The following TPST2 variants were observed in gnomAD, a reference collection of about 807,000 sequenced individuals.
The protein encoded by TPST2 is protein-tyrosine sulfotransferase 2.
TPST2 carries 16 observed loss-of-function variants against 27.8 expected under a neutral mutation model. That is an observed-to-expected ratio of 0.58 (90% confidence interval 0.39 to 0.88). The LOEUF is 0.88. TPST2 is among the 40% of genes least tolerant of loss of function. TPST2 has a pLI of 0.00. For synonymous variants in TPST2, 229 were observed against 231.7 expected (o/e 0.99, Z 0.10); for missense variants, 464 against 543.1 (o/e 0.85, Z 1.45).
At chr22:26,561,548 A>G (rs60363814) in intron 1 of TPST2, among the ~76,000 whole-genome samples, 58,880 of 151,688 alleles carry the variant, frequency 0.39, 11,629 homozygotes, top group East Asian at 0.52. Context: ...TGTAATTGCA[A>G]AAAGAAAAAG....
intron 1 of TPST2, among the ~76,000 whole-genome samples, chr22:26,575,285 T>C (rs1053389882): frequency 6.6e-6 from 1 of 152,158 alleles, no homozygotes; most frequent in African/African-American, 2.4e-5. Context: ...TATTACGACT[T>C]TGACACCGAA....
In TPST2 at chr22:26,525,115, G is replaced by A. The variant is rs1490102518; in HGVS notation, c.*1160C>T. On this transcript the variant is annotated 3_prime_UTR_variant, in exon 7 of 7. Transcript: ENST00000338754. ...CTTTCTGGCTGGTAATATTTAGTAC[G>A]TGTTGTCACATATCATTGCTGGGAA... is the stretch of plus-strand genomic sequence containing the variant. 1 of 152,188 alleles carries A rather than the reference G, an allele frequency of 6.6e-6. No individual in the cohort carries two copies. Among genetic ancestry groups the A allele is most frequent in the African/African-American group, 2.4e-5 (1 of 41,444 alleles). The allele number at this position is 152,188 out of a possible 1,614,324, so 9.4% of individuals were successfully genotyped here. A position where few individuals can be genotyped will look rare whatever the true frequency, so the allele number is the denominator to read the frequency against.
At chr22:26,553,425 GCAGTGGAGTGATCACTGTT>G (rs1403901365) in intron 1 of TPST2, among the ~76,000 whole-genome samples, 11 of 150,992 alleles carry the variant, frequency 7.3e-5, no homozygotes, top group Non-Finnish European at 1.5e-4. Context: ...AGGCTGGAGT[GCAGTGGAGTGATCACTGTT>G]CACTGCAGCC....
chr22:26,541,333 T>G lies in TPST2; in HGVS notation c.298A>C (p.Thr100Pro). The change falls in exon 3 of 7, where the codon ACC becomes CCC. Residue 100 changes from threonine (T) to proline (P), a missense_variant. Transcript: ENST00000338754. This position sits in a 1 kb window ranked among gnomAD's most constrained non-coding sequence, Gnocchi z 5.9. ...GCCAGCACGCGCGGGATGATGCGGGTCTCCTCGCCGCAGCGCACCTCGGGG... is the reference window on the plus strand; with the variant it reads ...GCCAGCACGCGCGGGATGATGCGGGGCTCCTCGCCGCAGCGCACCTCGGGG... The part of the protein sequence containing the change: ...AHPEVRCGEE[T>P]RIIPRVLAMR... 1 of 1,547,680 alleles carries G rather than the reference T, an allele frequency of 6.5e-7. No homozygotes were observed. The highest frequency in any genetic ancestry group is 1.9e-5 in the Admixed American group (1 of 52,378).
At chr22:26,544,368 G>A (rs962601351) in intron 2 of TPST2, among the ~76,000 whole-genome samples, 2 of 152,152 alleles carry the variant, frequency 1.3e-5, no homozygotes, top group African/African-American at 2.4e-5. Context: ...CTATCACCTG[G>A]AGAATCGTCT....
At chr22:26,561,578 A>C (rs1428162270) in intron 1 of TPST2, among the ~76,000 whole-genome samples, 1 of 152,016 alleles carries the variant, frequency 6.6e-6, no homozygotes, top group African/African-American at 2.4e-5. Context: ...TTTTGTTGAC[A>C]TTCTGAATGC....
At chr22:26,547,182 G>A (rs1001807505) in intron 1 of TPST2, among the ~76,000 whole-genome samples, 2 of 151,974 alleles carry the variant, frequency 1.3e-5, no homozygotes, top group Non-Finnish European at 2.9e-5. Context: ...TGACTTCCTC[G>A]AGCTCAAGCG....
intron 1 of TPST2, among the ~76,000 whole-genome samples, chr22:26,577,106 A>AAG (rs1481122154): frequency 6.6e-6 from 1 of 150,954 alleles, no homozygotes. Flanking sequence ...AAAAAAAAAA[A>AAG]AAAAAAAGAA....
At chr22:26,584,095 T>C (rs1457483097) in intron 1 of TPST2, among the ~76,000 whole-genome samples, 6 of 152,232 alleles carry the variant, frequency 3.9e-5, no homozygotes, top group Admixed American at 1.3e-4. Flanking sequence ...GTTGACTCAA[T>C]TTTAAAAACA....
At position 26,526,243 on chromosome 22, in the gene TPST2, T is replaced by A. The variant is rs1924829169; in HGVS notation, c.*32A>T. The A allele has an allele frequency of 6.6e-6, 1 of 152,236 alleles. No individual in the cohort carries two copies. The highest frequency in any genetic ancestry group is 2.4e-5 in the African/African-American group (1 of 41,472). The allele number at this position is 152,236 out of a possible 1,614,324, so 9.4% of individuals were successfully genotyped here. ...ACTTAAATGCATTTTCTTCTCTTCT[T>A]GGCAATGAAGTCATTTGCGGAGATC... On this transcript the variant is annotated 3_prime_UTR_variant, in exon 7 of 7. Transcript: ENST00000338754.
chr22:26,549,867 TAA>T (rs34355172), intron 1 of TPST2, among the ~76,000 whole-genome samples: 37 of 97,108 alleles, frequency 3.8e-4, no homozygotes, highest in Middle Eastern at 5.5e-3. Context: ...CCCTCTCTAC[TAA>T]AAAAAAAAAA....
chr22:26,530,259 C>G (rs532179401), intron 5 of TPST2, among the ~76,000 whole-genome samples: 35 of 152,128 alleles, frequency 2.3e-4, no homozygotes, highest in Middle Eastern at 3.4e-3. Flanking sequence ...CTTTTTTTGT[C>G]CACCTGAATA....
chr22:26,570,059 G>A (rs1244686443), intron 1 of TPST2, among the ~76,000 whole-genome samples: 5 of 145,972 alleles, frequency 3.4e-5, no homozygotes, highest in Non-Finnish European at 6.0e-5. Flanking sequence ...AAGAAAGAAA[G>A]AAAGAAGGAA....
chr22:26,583,881 T>A (rs138975429), intron 1 of TPST2, among the ~76,000 whole-genome samples: 352 of 152,290 alleles, frequency 2.3e-3, no homozygotes, highest in African/African-American at 8.1e-3. Flanking sequence ...AACTGCTTAT[T>A]CAGGTGGCAC....
chr22:26,526,508 G>T (rs1343119666), intron 6 of TPST2, among the ~76,000 whole-genome samples: 1 of 152,174 alleles, frequency 6.6e-6, no homozygotes, highest in Non-Finnish European at 1.5e-5. Context: ...TGGACACAGA[G>T]CAAATGACAG....
intron 1 of TPST2, among the ~76,000 whole-genome samples, chr22:26,567,288 C>T (rs4822740): frequency 0.079 from 12,041 of 152,258 alleles, 710 homozygotes; most frequent in East Asian, 0.28. Flanking sequence ...ATCCCACAGC[C>T]CCCTGCGCTC....
In TPST2 at chr22:26,541,312, G is replaced by A; in HGVS notation, c.319C>T (p.Leu107=). The change falls in exon 3 of 7, where the codon CTG becomes TTG. Residue 107 remains leucine (L), a synonymous_variant. Transcript: ENST00000338754. This position sits in a 1 kb window ranked among gnomAD's most constrained non-coding sequence, Gnocchi z 5.9. ...GEETRIIPRV[L]AMRQAWSKSG... ...TTGGACCAGGCCTGGCGCATGGCCA[G>A]CACGCGCGGGATGATGCGGGTCTCC... The A allele has an allele frequency of 6.5e-7, 1 of 1,544,314 alleles. No homozygotes were observed. Among genetic ancestry groups the A allele is most frequent in the Non-Finnish European group, 8.7e-7 (1 of 1,143,448 alleles).
chr22:26,526,190 A>G lies in TPST2; in HGVS notation c.*85T>C, dbSNP rs1402814384. 2 of 152,200 alleles carry G rather than the reference A, an allele frequency of 1.3e-5. No individual in the cohort carries two copies. The highest frequency in any genetic ancestry group is 4.8e-5 in the African/African-American group (2 of 41,444). The allele number at this position is 152,200 out of a possible 1,614,324, so 9.4% of individuals were successfully genotyped here. A position where few individuals can be genotyped will look rare whatever the true frequency, so the allele number is the denominator to read the frequency against. Reference sequence around the variant, plus strand: ...CTGTTTTGGCGATTAATAGCAAGCAATATGCTTGGATTAGAGGTCCGATTT... The same window carrying G: ...CTGTTTTGGCGATTAATAGCAAGCAGTATGCTTGGATTAGAGGTCCGATTT... On this transcript the variant is annotated 3_prime_UTR_variant, in exon 7 of 7. Coordinates refer to ENST00000338754, the MANE Select transcript of TPST2 (RefSeq NM_003595.5).
chr22:26,528,610 T>C (rs1412193477), intron 5 of TPST2, among the ~76,000 whole-genome samples: 1 of 152,146 alleles, frequency 6.6e-6, no homozygotes, highest in Non-Finnish European at 1.5e-5. Flanking sequence ...ATTTCAGCTG[T>C]GGTATAATAA....
Sources: allele counts gnomAD v4.1 joint callset (sites outside exome capture counted in the v4.1 genomes callset), GRCh38; gene constraint gnomAD v4.1.1; non-coding constraint Gnocchi (gnomAD v3.1); transcripts MANE v1.5; gene names NCBI Gene and HGNC (gene_info 2026-07-23, HGNC 2026-07-21).